PKP4: variants seen among roughly 807,000 people sequenced by gnomAD.
The protein encoded by PKP4 is plakophilin 4, also known as plakophilin-4.
In PKP4, 90 loss-of-function variants were observed where a neutral mutation model predicts 145.1. The observed-to-expected ratio is 0.62, with a 90% CI of 0.52 to 0.74. The LOEUF (loss-of-function observed/expected upper bound fraction) is 0.74, where lower values mean the gene tolerates loss of function less well. Among genes scored for constraint, PKP4 ranks in the 30% least tolerant of loss-of-function variants. PKP4 has a pLI of 0.00. For missense variants in PKP4, 1,340 were observed against 1,482.7 expected (o/e 0.90, Z 1.58); for synonymous variants, 563 against 577.2 (o/e 0.98, Z 0.35).
chr2:158,631,921 C>T lies in PKP4; in HGVS notation c.1322C>T (p.Ala441Val). 3 of 1,613,768 alleles carry T rather than the reference C, an allele frequency of 1.9e-6. No individual in the cohort carries two copies. The highest frequency in any genetic ancestry group is 1.7e-6 in the Non-Finnish European group (2 of 1,179,976). The change falls in exon 8 of 22, where the codon GCG (alanine) becomes GTG (valine). Residue 441 changes from alanine to valine, a missense_variant. By Grantham distance (64) the Ala-to-Val change is moderately conservative. Transcript: ENST00000389759. Reference sequence around the variant, plus strand: ...GTGGAGCTCCAAGGATCGCAGACGGCGTTGTATCGCACAGGTTCAGGTGGG... The same window carrying T: ...GTGGAGCTCCAAGGATCGCAGACGGTGTTGTATCGCACAGGTTCAGGTGGG... The part of the protein sequence containing the change: ...GTVELQGSQT[A>V]LYRTGSVGIG...
chr2:158,466,996 AC>A (rs1690726923), intron 1 of PKP4, among the ~76,000 whole-genome samples: 1 of 152,266 alleles, frequency 6.6e-6, no homozygotes, highest in Non-Finnish European at 1.5e-5. Flanking sequence ...GGGAAATGTT[AC>A]AAAAATGCTA....
At chr2:158,522,902 C>A (rs959262433) in intron 1 of PKP4, among the ~76,000 whole-genome samples, 6 of 152,340 alleles carry the variant, frequency 3.9e-5, no homozygotes, top group Non-Finnish European at 8.8e-5. Context: ...CACTCCCACC[C>A]GAATACTGCC....
chr2:158,620,416 C>A (rs968350970), intron 4 of PKP4, among the ~76,000 whole-genome samples: 7 of 152,088 alleles, frequency 4.6e-5, no homozygotes, highest in African/African-American at 1.7e-4. Context: ...TTAGGTTAGA[C>A]TTGCCTATAT....
At chr2:158,513,608 T>C (rs1042752058) in intron 1 of PKP4, among the ~76,000 whole-genome samples, 17 of 152,260 alleles carry the variant, frequency 1.1e-4, no homozygotes, top group South Asian at 4.2e-4. Flanking sequence ...TTTCCAGACA[T>C]TTCCCCAGTA....
chr2:158,653,297 TTTAA>T (rs568333986), intron 11 of PKP4, among the ~76,000 whole-genome samples: 178 of 152,368 alleles, frequency 1.2e-3, no homozygotes, highest in African/African-American at 4.1e-3. Flanking sequence ...TTGCTATTAT[TTTAA>T]TTAATCAGTA....
chr2:158,530,431 A>G (rs1432714325), intron 1 of PKP4, among the ~76,000 whole-genome samples: 3 of 151,964 alleles, frequency 2.0e-5, no homozygotes, highest in Non-Finnish European at 4.4e-5. Context: ...CAAATCAAGC[A>G]AATTGAGGTC....
At chr2:158,536,792 A>G (rs1210390570) in intron 2 of PKP4, among the ~76,000 whole-genome samples, 1 of 152,200 alleles carries the variant, frequency 6.6e-6, no homozygotes, top group African/African-American at 2.4e-5. Flanking sequence ...CTTGACAGAA[A>G]GAATCTTTGC....
chr2:158,576,529 G>A (rs1352212517), intron 2 of PKP4, among the ~76,000 whole-genome samples: 2 of 152,160 alleles, frequency 1.3e-5, no homozygotes, highest in African/African-American at 4.8e-5. Flanking sequence ...AACAATGAGA[G>A]AAATACAAAT....
At chr2:158,638,842 A>G (rs566253969) in intron 9 of PKP4, among the ~76,000 whole-genome samples, 3 of 152,206 alleles carry the variant, frequency 2.0e-5, no homozygotes, top group Admixed American at 6.5e-5. Flanking sequence ...TTTCAAGCAG[A>G]TGTATAGATT....
chr2:158,663,163 A>G (rs2056763868), intron 14 of PKP4, 75 bp downstream of exon 14: 1 of 1,515,050 alleles, frequency 6.6e-7, no homozygotes, highest in African/African-American at 1.4e-5. Flanking sequence ...TTGGCAAGAA[A>G]ATAAATTTTC....
chr2:158,675,148 A>G (rs2057893182), intron 19 of PKP4, among the ~76,000 whole-genome samples: 1 of 152,190 alleles, frequency 6.6e-6, no homozygotes, highest in Non-Finnish European at 1.5e-5. Flanking sequence ...GTGCCAGGGA[A>G]ATTAAGATGT....
intron 1 of PKP4, among the ~76,000 whole-genome samples, chr2:158,506,660 T>TA (rs1358506808): frequency 1.3e-5 from 2 of 152,236 alleles, no homozygotes; most frequent in Non-Finnish European, 2.9e-5. Context: ...ATTGACACAA[T>TA]AAATCTCTTT....
chr2:158,520,416 G>C (rs1020958161), intron 1 of PKP4, among the ~76,000 whole-genome samples: 2 of 152,134 alleles, frequency 1.3e-5, no homozygotes, highest in East Asian at 3.8e-4. Flanking sequence ...TTTAAAACCA[G>C]AAGTAGTTTA....
In PKP4 at chr2:158,680,667, C is replaced by T; in HGVS notation, c.3569C>T (p.Ser1190Leu). ...GAACAGTACCCAGGGTCCCCAGACT[C>T]ATGGGTGTAGCATCAAGATGCCCAA... ...RAEQYPGSPD[S>L]WV The change falls in exon 22 of 22, where the codon TCA becomes TTA. Residue 1190 changes from serine (S) to leucine (L), a missense_variant. Transcript: ENST00000389759. 1 of 1,611,540 alleles carries T rather than the reference C, an allele frequency of 6.2e-7. No homozygotes were observed. The highest frequency in any genetic ancestry group is 8.5e-7 in the Non-Finnish European group (1 of 1,179,060).
At chr2:158,608,542 C>T (rs1376286714) in intron 4 of PKP4, among the ~76,000 whole-genome samples, 1 of 152,120 alleles carries the variant, frequency 6.6e-6, no homozygotes, top group Non-Finnish European at 1.5e-5. Flanking sequence ...GCCTAAAACT[C>T]ATATTCAAGC....
At chr2:158,490,028 G>T (rs1371410534) in intron 1 of PKP4, among the ~76,000 whole-genome samples, 1 of 152,140 alleles carries the variant, frequency 6.6e-6, no homozygotes, top group African/African-American at 2.4e-5. Flanking sequence ...ATTAGGGGAA[G>T]TGTTATTCTC....
chr2:158,528,076 T>C (rs2043121482), intron 1 of PKP4, among the ~76,000 whole-genome samples: 2 of 64,510 alleles, frequency 3.1e-5, no homozygotes, highest in Non-Finnish European at 3.2e-5. Flanking sequence ...GAAGTCAGTG[T>C]GGCGATTCCT....
intron 11 of PKP4, among the ~76,000 whole-genome samples, chr2:158,654,911 T>C (rs907704459): frequency 3.3e-5 from 5 of 152,184 alleles, no homozygotes; most frequent in African/African-American, 9.6e-5. Flanking sequence ...ACACAACATA[T>C]ATATAAAAGG....
At chr2:158,577,244 T>A in intron 2 of PKP4, 27 bp from the exon 3 acceptor site, 1 of 1,491,194 alleles carries the variant, frequency 6.7e-7, no homozygotes, top group Non-Finnish European at 9.3e-7. Flanking sequence ...TGGCGCCTTA[T>A]ATGCCTTTTA....
Sources: gnomAD v4.1 joint callset for allele counts (sites outside exome capture counted in the v4.1 genomes callset) on GRCh38, gnomAD v4.1.1 for gene constraint, MANE v1.5 for transcripts, NCBI Gene and HGNC (gene_info 2026-07-23, HGNC 2026-07-21) for gene names.